Variants in RARB observed in about 807,000 individuals in gnomAD.
RARB encodes the protein retinoic acid receptor beta.
A neutral mutation model predicts 51.9 loss-of-function variants in RARB; 17 were observed. The ratio of observed to expected loss-of-function variants is 0.33; its 90% CI spans 0.22 to 0.49. The LOEUF is 0.49. Ranked by LOEUF, RARB falls within the 20% of genes least tolerant of loss-of-function variation. The pLI, the probability that RARB is intolerant of heterozygous loss-of-function variation, is 0.99. For synonymous variants in RARB, 215 were observed against 195.4 expected, an observed-to-expected ratio of 1.10 and a Z score of -0.84; for missense variants, 369 against 550.8, an observed-to-expected ratio of 0.67 and a Z score of 3.30.
At chr3:25,370,387 G>A (rs1184389699) in intron 5 of RARB, among the ~76,000 whole-genome samples, 2 of 152,164 alleles carry the variant, frequency 1.3e-5, no homozygotes, top group East Asian at 1.9e-4. Context: ...TACCATAAGG[G>A]TAGCAAGGTG....
chr3:25,189,979 TG>T (rs1296901727), intron 5 of RARB, among the ~76,000 whole-genome samples: 2 of 152,078 alleles, frequency 1.3e-5, no homozygotes, highest in Non-Finnish European at 2.9e-5. Flanking sequence ...GTGCTTGCAG[TG>T]GGGCCAGAGT....
intron 5 of RARB, among the ~76,000 whole-genome samples, chr3:25,248,815 T>A (rs1374950429): frequency 6.6e-6 from 1 of 152,220 alleles, no homozygotes; most frequent in East Asian, 1.9e-4. Context: ...GTTAGTCTGG[T>A]TGGGGTTCCC....
At chr3:25,068,428 G>T (rs1698706784) in intron 3 of RARB, among the ~76,000 whole-genome samples, 1 of 152,036 alleles carries the variant, frequency 6.6e-6, no homozygotes, top group South Asian at 2.1e-4. Flanking sequence ...GAGGAGGAAA[G>T]AAATAGATTT....
chr3:25,045,858 A>G (rs1272039024), intron 2 of RARB, among the ~76,000 whole-genome samples: 3 of 152,272 alleles, frequency 2.0e-5, no homozygotes, highest in Non-Finnish European at 2.9e-5. Flanking sequence ...GTTTTAATGA[A>G]TGTAAACTAA....
Position 25,162,188 on chromosome 3 carries a change from C to T in RARB, c.-279-11931C>T, listed in dbSNP as rs1458113584. ...GGTGTGATCATAGCTCATGCAGCCTCAACCTCCTGGGGTCAATCAATCTTC... is the reference window on the plus strand; with the variant it reads ...GGTGTGATCATAGCTCATGCAGCCTTAACCTCCTGGGGTCAATCAATCTTC... On this transcript the variant is annotated intron_variant, in intron 4 of 11. Coordinates refer to the RARB transcript ENST00000383772. Among the ~76,000 whole-genome samples the T allele has an allele frequency of 4.6e-5, 7 of 152,296 alleles. No homozygotes were observed. The South Asian group carries it at 1.2e-3, about 27-fold the overall frequency.
intron 5 of RARB, among the ~76,000 whole-genome samples, chr3:25,373,739 C>T (rs1706374944): frequency 1.3e-5 from 2 of 152,122 alleles, no homozygotes; most frequent in South Asian, 4.1e-4. Flanking sequence ...ACCACAGAAC[C>T]TCTCACACTC....
At chr3:25,024,191 T>G (rs879666912) in intron 2 of RARB, among the ~76,000 whole-genome samples, 14 of 152,196 alleles carry the variant, frequency 9.2e-5, no homozygotes, top group Non-Finnish European at 1.8e-4. Context: ...ATAAGACTTT[T>G]GTAGATTTTT....
chr3:24,890,440 G>A (rs1459868304), intron 2 of RARB, among the ~76,000 whole-genome samples: 4 of 152,118 alleles, frequency 2.6e-5, no homozygotes, highest in African/African-American at 4.8e-5. Flanking sequence ...TTTCACGAGC[G>A]GCACCGTGAA....
At chr3:25,005,316 C>T (rs1034585944) in intron 2 of RARB, among the ~76,000 whole-genome samples, 2 of 152,032 alleles carry the variant, frequency 1.3e-5, no homozygotes, top group Non-Finnish European at 2.9e-5. Context: ...TTTATTTTTT[C>T]TGTGGGTCAA....
At chr3:25,520,126 C>A (rs151133667) in intron 3 of RARB, among the ~76,000 whole-genome samples, 51 of 152,318 alleles carry the variant, frequency 3.3e-4, no homozygotes, top group African/African-American at 9.6e-4. Flanking sequence ...GTAGTTGTCA[C>A]AGAGGCCATA....
chr3:25,047,980 C>A (rs1698251945), intron 2 of RARB, among the ~76,000 whole-genome samples: 1 of 152,142 alleles, frequency 6.6e-6, no homozygotes, highest in South Asian at 2.1e-4. Flanking sequence ...CTCATGAGAT[C>A]TGATGGTTTC....
At chr3:25,307,857 A>G (rs1253646022) in intron 5 of RARB, among the ~76,000 whole-genome samples, 1 of 152,216 alleles carries the variant, frequency 6.6e-6, no homozygotes, top group Non-Finnish European at 1.5e-5. Flanking sequence ...CTGCTTTTCT[A>G]AATAAAGTTT....
chr3:25,362,841 TCAGTTGGAAATGCAGAG>T (rs1705991518), intron 5 of RARB, among the ~76,000 whole-genome samples: 2 of 152,116 alleles, frequency 1.3e-5, no homozygotes, highest in African/African-American at 4.8e-5. Context: ...ACCAGGTACC[TCAGTTGGAAATGCAGAG>T]ATCACCAGCC....
chr3:24,926,509 T>C (rs966528223), intron 2 of RARB, among the ~76,000 whole-genome samples: 2 of 152,084 alleles, frequency 1.3e-5, no homozygotes, highest in Non-Finnish European at 2.9e-5. Flanking sequence ...TGCTAAAATA[T>C]CACCTGAAAC....
At chr3:24,832,263 C>G (rs1366558774) in intron 1 of RARB, among the ~76,000 whole-genome samples, 1 of 152,090 alleles carries the variant, frequency 6.6e-6, no homozygotes, top group East Asian at 1.9e-4. Flanking sequence ...CATAAAATAT[C>G]ACAGTGATTG....
intron 2 of RARB, among the ~76,000 whole-genome samples, chr3:25,011,140 G>A (rs142805172): frequency 6.6e-6 from 1 of 152,268 alleles, no homozygotes; most frequent in African/African-American, 2.4e-5. Context: ...GGTTGTGGAA[G>A]TGAATAAAGC....
intron 3 of RARB, among the ~76,000 whole-genome samples, chr3:25,101,281 G>A (rs1048488171): frequency 3.3e-5 from 5 of 151,852 alleles, no homozygotes; most frequent in Non-Finnish European, 5.9e-5. Flanking sequence ...CAAACTTACT[G>A]GAAACCAATA....
At chr3:24,915,650 T>A (rs569354926) in intron 2 of RARB, among the ~76,000 whole-genome samples, 2 of 152,212 alleles carry the variant, frequency 1.3e-5, no homozygotes, top group African/African-American at 2.4e-5. Flanking sequence ...TCAGACTTCA[T>A]GTATGTGTTT....
chr3:25,140,273 C>G (rs185967497), intron 4 of RARB, among the ~76,000 whole-genome samples: 2 of 152,248 alleles, frequency 1.3e-5, no homozygotes, highest in Admixed American at 1.3e-4. Context: ...AGAAATAATT[C>G]AACATTCCAG....
Sources: gnomAD v4.1 joint callset for allele counts (sites outside exome capture counted in the v4.1 genomes callset) on GRCh38, gnomAD v4.1.1 for gene constraint, MANE v1.5 for transcripts, NCBI Gene and HGNC (gene_info 2026-07-23, HGNC 2026-07-21) for gene names.